Variants in SLC12A1 observed in about 807,000 individuals in gnomAD.
The protein encoded by SLC12A1 is Na-K-2Cl cotransporter.
SLC12A1 carries 89 observed loss-of-function variants against 130.4 expected under a neutral mutation model. The ratio of observed to expected loss-of-function variants is 0.68; its 90% CI spans 0.58 to 0.81. The LOEUF (loss-of-function observed/expected upper bound fraction) is 0.81. SLC12A1 is among the 40% of genes least tolerant of loss of function. The pLI is 0.00. For missense variants in SLC12A1, 1,310 were observed against 1,336.4 expected, an observed-to-expected ratio of 0.98 and a Z score of 0.31; for synonymous variants, 499 against 460.0, an observed-to-expected ratio of 1.08 and a Z score of -1.09.
intron 10 of SLC12A1, among the ~76,000 whole-genome samples, chr15:48,241,947 CAG>C (rs1454807631): frequency 2.0e-5 from 3 of 152,098 alleles, no homozygotes; most frequent in African/African-American, 7.2e-5. Flanking sequence ...AGGAGAGAAA[CAG>C]AGTAGAGAAA....
chr15:48,239,116 A>G (rs1567316267), intron 9 of SLC12A1, among the ~76,000 whole-genome samples: 1 of 152,224 alleles, frequency 6.6e-6, no homozygotes, highest in East Asian at 1.9e-4. Flanking sequence ...ATAATTTGTC[A>G]AAGTCCTCCT....
At chr15:48,260,256 C>T (rs2041757721) in intron 17 of SLC12A1, among the ~76,000 whole-genome samples, 1 of 148,252 alleles carries the variant, frequency 6.7e-6, no homozygotes, top group African/African-American at 2.6e-5. Flanking sequence ...CAGAGCAAGA[C>T]TCCATAATAA....
chr15:48,267,082 G>T (rs982834182), intron 17 of SLC12A1, among the ~76,000 whole-genome samples: 4 of 152,142 alleles, frequency 2.6e-5, no homozygotes, highest in African/African-American at 4.8e-5. Flanking sequence ...CAGCCAAATA[G>T]AATTGACAAG....
At chr15:48,278,432 T>G (rs2041977501) in intron 20 of SLC12A1, among the ~76,000 whole-genome samples, 1 of 152,142 alleles carries the variant, frequency 6.6e-6, no homozygotes, top group African/African-American at 2.4e-5. Flanking sequence ...GATTCAAACC[T>G]GTATCTGTTT....
intron 21 of SLC12A1, 149 bp from the exon 22 acceptor site, chr15:48,287,894 T>C (rs1263882943): frequency 2.6e-6 from 2 of 775,018 alleles, no homozygotes; most frequent in South Asian, 6.5e-5. Context: ...CTTTTATCTC[T>C]GCCTTTTGAA....
At chr15:48,217,655 G>C (rs1468065296) in intron 2 of SLC12A1, among the ~76,000 whole-genome samples, 1 of 152,056 alleles carries the variant, frequency 6.6e-6, no homozygotes, top group Non-Finnish European at 1.5e-5. Flanking sequence ...CTACCCAGAA[G>C]AAACAATAAG....
In SLC12A1 at chr15:48,229,280, T is replaced by C. The variant is rs369827965; in HGVS notation, c.816T>C (p.Val272=). 36 of 1,605,408 alleles carry C rather than the reference T, an allele frequency of 2.2e-5. No individual in the cohort carries two copies. The highest frequency in any genetic ancestry group is 1.6e-4 in the Middle Eastern group (1 of 6,074). Residue 272 remains valine, a synonymous_variant, in exon 6 of 27, where the codon GTT becomes GTC. Coordinates refer to ENST00000380993, the MANE Select transcript of SLC12A1 (RefSeq NM_000338.3). Reference sequence around the variant, plus strand: ...TTGCTTTTGCTAATGCAGTGGCTGTTGCTATGTATGTGGTGGGATTTGCTG... The same window carrying C: ...TTGCTTTTGCTAATGCAGTGGCTGTCGCTATGTATGTGGTGGGATTTGCTG... ...LIFAFANAVA[V]AMYVVGFAET...
At chr15:48,268,029 A>G (rs549493994) in intron 18 of SLC12A1, among the ~76,000 whole-genome samples, 17 of 152,266 alleles carry the variant, frequency 1.1e-4, no homozygotes, top group African/African-American at 3.1e-4. Context: ...ACTTCAAACT[A>G]TTTTTATATC....
chr15:48,229,271 A>G lies in SLC12A1; in HGVS notation c.807A>G (p.Ala269=), dbSNP rs376830687. The G allele has an allele frequency of 3.7e-5, 60 of 1,604,496 alleles. No homozygotes were observed. The highest frequency in any genetic ancestry group is 5.1e-5 in the Admixed American group (3 of 58,536). Reference sequence around the variant, plus strand: ...GCCTGATCTTTGCTTTTGCTAATGCAGTGGCTGTTGCTATGTATGTGGTGG... The same window carrying G: ...GCCTGATCTTTGCTTTTGCTAATGCGGTGGCTGTTGCTATGTATGTGGTGG... The part of the protein sequence containing the change: ...SIGLIFAFAN[A]VAVAMYVVGF... Residue 269 remains alanine (A), a synonymous_variant, in exon 6 of 27, where the codon GCA becomes GCG. Transcript: ENST00000380993.
chr15:48,219,889 C>CA (rs2041179481), intron 2 of SLC12A1, among the ~76,000 whole-genome samples: 1 of 151,670 alleles, frequency 6.6e-6, no homozygotes, highest in South Asian at 2.1e-4. Flanking sequence ...TCTGTCTCTA[C>CA]AAAAAATACA....
chr15:48,247,931 A>G (rs2041602128), intron 13 of SLC12A1, among the ~76,000 whole-genome samples: 3 of 152,212 alleles, frequency 2.0e-5, no homozygotes, highest in Admixed American at 2.0e-4. Context: ...TAAGGAGTCT[A>G]CATTTCACAA....
At chr15:48,232,170 A>G (rs1311875947) in intron 7 of SLC12A1, among the ~76,000 whole-genome samples, 1 of 152,252 alleles carries the variant, frequency 6.6e-6, no homozygotes, top group Non-Finnish European at 1.5e-5. Flanking sequence ...TGGCAACACC[A>G]AGCCATAAAC....
chr15:48,229,199 C>T lies in SLC12A1; in HGVS notation c.735C>T (p.Tyr245=), dbSNP rs863224920. 6.3e-7 allele frequency: 1 copy of T among 1,588,048 alleles called. No homozygotes were observed. Among genetic ancestry groups the T allele is most frequent in the Non-Finnish European group, 8.6e-7 (1 of 1,166,092 alleles). Reference sequence around the variant, plus strand: ...CATTTCTTGTTTCAGGTGGGGCCTACTATCTTATTTCCAGAAGTTTAGGGC... The same window carrying T: ...CATTTCTTGTTTCAGGTGGGGCCTATTATCTTATTTCCAGAAGTTTAGGGC... The part of the protein sequence containing the change: ...TNGFVRGGGA[Y]YLISRSLGPE... The change falls in exon 6 of 27, where the codon TAC becomes TAT. Residue 245 remains tyrosine, a synonymous_variant. Transcript: ENST00000380993.
intron 13 of SLC12A1, among the ~76,000 whole-genome samples, chr15:48,248,653 T>A (rs1354821037): frequency 6.6e-6 from 1 of 152,242 alleles, no homozygotes; most frequent in Non-Finnish European, 1.5e-5. Flanking sequence ...ATGTCTGACC[T>A]TCAGATAAAG....
At chr15:48,224,456 A>G (rs2041257998) in intron 4 of SLC12A1, 1 of 152,236 alleles carries the variant, frequency 6.6e-6, no homozygotes, top group South Asian at 2.1e-4. Flanking sequence ...ATGGGCTTAT[A>G]TATCATCTTA....
chr15:48,288,558 T>C, intron 23 of SLC12A1, 42 bp downstream of exon 23: 1 of 943,058 alleles, frequency 1.1e-6, no homozygotes. Context: ...TTTCAGAGGT[T>C]TGTTGCTTTA....
chr15:48,211,923 A>G (rs779904266), intron 2 of SLC12A1, among the ~76,000 whole-genome samples: 2 of 152,208 alleles, frequency 1.3e-5, no homozygotes, highest in African/African-American at 2.4e-5. Context: ...CTATGTTAGT[A>G]AAGAGCTAAA....
At chr15:48,234,146 A>C (rs1168504550) in intron 8 of SLC12A1, among the ~76,000 whole-genome samples, 2 of 152,194 alleles carry the variant, frequency 1.3e-5, no homozygotes, top group African/African-American at 4.8e-5. Flanking sequence ...ATAGAAAACC[A>C]GTGTGTTGAT....
chr15:48,218,953 C>T (rs1031803915), intron 2 of SLC12A1, among the ~76,000 whole-genome samples: 23 of 152,144 alleles, frequency 1.5e-4, no homozygotes, highest in African/African-American at 5.1e-4. Context: ...CTGTTTCCTG[C>T]CCTCTTGAGC....
Sources: allele counts gnomAD v4.1 joint callset (sites outside exome capture counted in the v4.1 genomes callset), GRCh38; gene constraint gnomAD v4.1.1; transcripts MANE v1.5; gene names NCBI Gene and HGNC (gene_info 2026-07-23, HGNC 2026-07-21).